Variants in EFCAB6 observed in about 807,000 individuals in gnomAD.
EFCAB6 encodes EF-hand calcium-binding domain-containing protein 6.
EFCAB6 carries 156 observed loss-of-function variants against 169.8 expected under a neutral mutation model. That is an observed-to-expected ratio of 0.92 (90% CI 0.81 to 1.05). EFCAB6 has a LOEUF of 1.05. EFCAB6 is among the 50% of genes least tolerant of loss of function. The pLI is 0.00. For synonymous variants in EFCAB6, 698 were observed against 676.4 expected (o/e 1.03, Z -0.50); for missense variants, 1,800 against 1,829.1 (o/e 0.98, Z 0.29).
chr22:43,626,711 C>T (rs1258906977), intron 19 of EFCAB6, 32 bp from the exon 20 acceptor site: 2 of 1,609,052 alleles, frequency 1.2e-6, no homozygotes, highest in Non-Finnish European at 1.7e-6. Context: ...CAAAGCCCTT[C>T]CCCAAGAGCC....
At chr22:43,766,575 C>T (rs2061332854) in intron 4 of EFCAB6, among the ~76,000 whole-genome samples, 1 of 152,076 alleles carries the variant, frequency 6.6e-6, no homozygotes, top group Admixed American at 6.6e-5. Flanking sequence ...AGTAAAGTGG[C>T]AGGATCTCAG....
chr22:43,801,912 G>C (rs2062735385), intron 2 of EFCAB6, among the ~76,000 whole-genome samples: 1 of 152,076 alleles, frequency 6.6e-6, no homozygotes, highest in Admixed American at 6.6e-5. Flanking sequence ...CAATTAAAAA[G>C]CATAGAGTGG....
At chr22:43,702,389 T>C (rs895593145) in intron 10 of EFCAB6, among the ~76,000 whole-genome samples, 3 of 152,066 alleles carry the variant, frequency 2.0e-5, no homozygotes. Flanking sequence ...ATGCCCCAAA[T>C]TGGAAATAGG....
At chr22:43,670,487 A>T (rs1210950460) in intron 15 of EFCAB6, among the ~76,000 whole-genome samples, 1 of 152,230 alleles carries the variant, frequency 6.6e-6, no homozygotes, top group Non-Finnish European at 1.5e-5. Flanking sequence ...AGCTGTTAGC[A>T]CTGGGGCTGA....
At position 43,537,657 on chromosome 22, in the gene EFCAB6, G is replaced by A; in HGVS notation, c.3880-112C>T. On this transcript the variant is annotated intron_variant, in intron 28 of 31. Transcript: ENST00000262726. This position sits in a 1 kb window ranked among gnomAD's most constrained non-coding sequence, Gnocchi z 4.3. ...GTTCACAATTTTAGAGGCAGAATTA[G>A]CCCAGAAATAAAATGAAGAATAAAA... is the stretch of plus-strand genomic sequence containing the variant. The A allele has an allele frequency of 8.2e-7, 1 of 1,223,242 alleles. No homozygotes were observed. Among genetic ancestry groups the A allele is most frequent in the Non-Finnish European group, 1.1e-6 (1 of 905,352 alleles). The allele number at this position is 1,223,242 out of a possible 1,614,324, so 75.8% of individuals were successfully genotyped here. A position where few individuals can be genotyped will look rare whatever the true frequency, so the allele number is the denominator to read the frequency against.
chr22:43,678,228 T>C (rs1244593222), intron 12 of EFCAB6, 65 bp from the exon 13 acceptor site: 4 of 1,501,608 alleles, frequency 2.7e-6, no homozygotes, highest in Non-Finnish European at 3.6e-6. Flanking sequence ...AAAAGTGTTA[T>C]GTATGTTTAG....
At chr22:43,600,005 T>G in intron 23 of EFCAB6, 64 bp downstream of exon 23, 1 of 1,508,718 alleles carries the variant, frequency 6.6e-7, no homozygotes, top group Non-Finnish European at 9.0e-7. Context: ...AAATAACTTG[T>G]GCTGTGAGGC....
chr22:43,718,619 C>T (rs906597998), intron 8 of EFCAB6, among the ~76,000 whole-genome samples: 10 of 152,130 alleles, frequency 6.6e-5, no homozygotes, highest in African/African-American at 2.4e-4. Context: ...CCTGTCTCTA[C>T]TGAAAATACA....
At chr22:43,703,331 A>C (rs2058834243) in intron 10 of EFCAB6, among the ~76,000 whole-genome samples, 1 of 152,230 alleles carries the variant, frequency 6.6e-6, no homozygotes, top group African/African-American at 2.4e-5. Flanking sequence ...CCCATACAGA[A>C]TCACAAGCTA....
intron 26 of EFCAB6, among the ~76,000 whole-genome samples, chr22:43,560,457 C>T (rs1033143603): frequency 1.3e-5 from 2 of 152,202 alleles, no homozygotes. Flanking sequence ...GCCCTTACAT[C>T]ATAAGACCTG....
chr22:43,631,448 C>A (rs887476218), intron 19 of EFCAB6, among the ~76,000 whole-genome samples: 1 of 152,026 alleles, frequency 6.6e-6, no homozygotes, highest in Non-Finnish European at 1.5e-5. Context: ...AGAGCCCATG[C>A]CTCATCTGTC....
intron 8 of EFCAB6, among the ~76,000 whole-genome samples, chr22:43,719,603 C>T (rs184777957): frequency 1.3e-5 from 2 of 152,302 alleles, no homozygotes; most frequent in Admixed American, 6.5e-5. Context: ...AACCTCTAAC[C>T]GGCTCTTGGT....
intron 21 of EFCAB6, among the ~76,000 whole-genome samples, chr22:43,612,696 A>G (rs974267034): frequency 6.6e-6 from 1 of 152,174 alleles, no homozygotes; most frequent in South Asian, 2.1e-4. Flanking sequence ...GTTCGAGACC[A>G]GCCTGGCCAA....
chr22:43,685,652 G>A (rs898755176), intron 11 of EFCAB6, among the ~76,000 whole-genome samples: 2 of 152,286 alleles, frequency 1.3e-5, no homozygotes, highest in Admixed American at 6.5e-5. Flanking sequence ...GTGACCCATC[G>A]CGGATTTTGA....
intron 26 of EFCAB6, among the ~76,000 whole-genome samples, chr22:43,564,494 G>A (rs969095562): frequency 4.6e-5 from 7 of 151,498 alleles, no homozygotes; most frequent in Non-Finnish European, 7.4e-5. Context: ...CCTCCCTGGC[G>A]TCTGAGATAA....
intron 2 of EFCAB6, among the ~76,000 whole-genome samples, chr22:43,786,527 C>T (rs2062083422): frequency 6.6e-6 from 1 of 151,814 alleles, no homozygotes; most frequent in African/African-American, 2.4e-5. Flanking sequence ...CAAGACCATC[C>T]TGGCTAACAT....
intron 15 of EFCAB6, among the ~76,000 whole-genome samples, chr22:43,670,841 G>A (rs1407120183): frequency 3.9e-5 from 6 of 152,220 alleles, no homozygotes; most frequent in Admixed American, 2.0e-4. Flanking sequence ...TGGAAAGCAG[G>A]TCAACATAGC....
At chr22:43,731,492 T>C (rs1010930759) in intron 8 of EFCAB6, among the ~76,000 whole-genome samples, 11 of 152,222 alleles carry the variant, frequency 7.2e-5, no homozygotes, top group Non-Finnish European at 1.5e-4. Flanking sequence ...GCTGTAGATT[T>C]TACCACATGG....
chr22:43,761,149 T>G (rs141738124), intron 5 of EFCAB6, among the ~76,000 whole-genome samples: 7 of 152,156 alleles, frequency 4.6e-5, no homozygotes, highest in Non-Finnish European at 1.0e-4. Flanking sequence ...CTCCTTCCAC[T>G]CTGCAAGGAT....
Sources: gnomAD v4.1 joint callset for allele counts (sites outside exome capture counted in the v4.1 genomes callset) on GRCh38, gnomAD v4.1.1 for gene constraint, Gnocchi (gnomAD v3.1) non-coding constraint, MANE v1.5 for transcripts, NCBI Gene and HGNC (gene_info 2026-07-23, HGNC 2026-07-21) for gene names.